Variants in OTUD7A observed in about 807,000 individuals in gnomAD.
The protein encoded by OTUD7A is OTU domain-containing protein 7A.
A neutral mutation model predicts 65.7 loss-of-function variants in OTUD7A; 12 were observed. The observed-to-expected ratio is 0.18, with a 90% CI of 0.12 to 0.30. The LOEUF (loss-of-function observed/expected upper bound fraction) is 0.30, where lower values mean the gene tolerates loss of function less well. Ranked by LOEUF, OTUD7A falls within the 10% of genes least tolerant of loss-of-function variation. The pLI is 1.00. For synonymous variants in OTUD7A, 641 were observed against 586.3 expected (o/e 1.09, Z -1.35); for missense variants, 1,148 against 1,304.8 (o/e 0.88, Z 1.85).
At chr15:31,560,072 A>C (rs1888640494) in intron 4 of OTUD7A, among the ~76,000 whole-genome samples, 1 of 152,238 alleles carries the variant, frequency 6.6e-6, no homozygotes, top group Admixed American at 6.5e-5. Context: ...CTGAAGTTAC[A>C]TCTACCTCAA....
Position 31,481,176 on chromosome 15 carries a change from T to C in OTUD7A, c.*2118A>G, listed in dbSNP as rs1190909101. On this transcript the variant is annotated 3_prime_UTR_variant, in exon 13 of 13. Transcript: ENST00000307050. ...GGTTGGCTGTTTTTACATTAAGAAATGAAAAAAACAAGCAAGAATTGACTT... is the reference window on the plus strand; with the variant it reads ...GGTTGGCTGTTTTTACATTAAGAAACGAAAAAAACAAGCAAGAATTGACTT... 1 of 151,736 alleles carries C rather than the reference T, an allele frequency of 6.6e-6. No homozygotes were observed. The highest frequency in any genetic ancestry group is 1.5e-5 in the Non-Finnish European group (1 of 67,982). The allele number at this position is 151,736 out of a possible 1,614,324, so 9.4% of individuals were successfully genotyped here. A position where few individuals can be genotyped will look rare whatever the true frequency, so the allele number is the denominator to read the frequency against.
chr15:31,710,096 A>G (rs865979974), intron 1 of OTUD7A, among the ~76,000 whole-genome samples: 2 of 152,108 alleles, frequency 1.3e-5, no homozygotes, highest in Admixed American at 6.6e-5. Flanking sequence ...ACGAGTGTGC[A>G]CTGATTTTGT....
At chr15:31,632,090 G>A (rs1190669453) in intron 3 of OTUD7A, among the ~76,000 whole-genome samples, 3 of 152,090 alleles carry the variant, frequency 2.0e-5, no homozygotes, top group Non-Finnish European at 2.9e-5. Flanking sequence ...CTCTCAGCTC[G>A]TCAAAGTCAT....
intron 1 of OTUD7A, among the ~76,000 whole-genome samples, chr15:31,735,987 A>G (rs1353616699): frequency 3.9e-5 from 6 of 152,192 alleles, no homozygotes; most frequent in Non-Finnish European, 8.8e-5. Flanking sequence ...ACATGTTCTC[A>G]CTTATAAGTG....
intron 1 of OTUD7A, among the ~76,000 whole-genome samples, chr15:31,853,234 G>A (rs144686701): frequency 2.6e-5 from 4 of 152,298 alleles, no homozygotes; most frequent in Non-Finnish European, 4.4e-5. Flanking sequence ...AGCACAAGAA[G>A]TCCCCAAAGA....
At chr15:31,631,719 G>C (rs1243709396) in intron 3 of OTUD7A, among the ~76,000 whole-genome samples, 1 of 152,110 alleles carries the variant, frequency 6.6e-6, no homozygotes, top group Non-Finnish European at 1.5e-5. Flanking sequence ...ATCACTTTCA[G>C]GTACACCAAT....
At chr15:31,784,068 T>C (rs1895609001) in intron 1 of OTUD7A, among the ~76,000 whole-genome samples, 1 of 152,224 alleles carries the variant, frequency 6.6e-6, no homozygotes, top group Admixed American at 6.5e-5. Flanking sequence ...AAGAGCCACC[T>C]AACTCAATGG....
chr15:31,695,358 C>T lies in OTUD7A; in HGVS notation c.-99-38281G>A, dbSNP rs574323609. 9.7e-3 allele frequency among the ~76,000 whole-genome samples: 1,366 copies of T among 140,304 alleles called. 6 individuals carry two copies. The highest frequency in any genetic ancestry group is 0.017 in the Non-Finnish European group (1,086 of 63,668). 92.0% of individuals were successfully genotyped at this position (140,304 alleles called of 152,430 possible). A position where few individuals can be genotyped will look rare whatever the true frequency, so the allele number is the denominator to read the frequency against. On this transcript the variant is annotated intron_variant, in intron 1 of 12. Coordinates refer to ENST00000307050, the MANE Select transcript of OTUD7A (RefSeq NM_001382637.1). ...TACTGAGGAACCGCCACACTTTTTC[C>T]GTAATGGCTGCACTAATTTACATAC...
chr15:31,613,475 A>G (rs1347396169), intron 3 of OTUD7A, among the ~76,000 whole-genome samples: 2 of 152,118 alleles, frequency 1.3e-5, no homozygotes, highest in African/African-American at 4.8e-5. Context: ...ATCCCGTCAA[A>G]AAGTGGGCTA....
intron 4 of OTUD7A, among the ~76,000 whole-genome samples, chr15:31,565,494 G>T (rs1244604130): frequency 1.3e-5 from 2 of 151,884 alleles, no homozygotes; most frequent in Non-Finnish European, 2.9e-5. Flanking sequence ...TTGGATAGAA[G>T]AACAATATTA....
intron 8 of OTUD7A, among the ~76,000 whole-genome samples, chr15:31,507,616 G>A (rs565847073): frequency 1.6e-5 from 2 of 127,936 alleles, no homozygotes; most frequent in Non-Finnish European, 3.2e-5. Context: ...ACCCGAGCAG[G>A]TTGCTGCCGC....
intron 1 of OTUD7A, among the ~76,000 whole-genome samples, chr15:31,811,346 CGTGT>C (rs367699338): frequency 6.6e-6 from 1 of 150,416 alleles, no homozygotes; most frequent in African/African-American, 2.4e-5. Context: ...TGTGTAAGTG[CGTGT>C]GTGTGTGGTG....
At chr15:31,734,620 TC>T (rs1894136194) in intron 1 of OTUD7A, among the ~76,000 whole-genome samples, 1 of 152,144 alleles carries the variant, frequency 6.6e-6, no homozygotes. Flanking sequence ...AACCATTTAA[TC>T]TTTGACAAAC....
intron 3 of OTUD7A, among the ~76,000 whole-genome samples, chr15:31,619,926 T>C (rs1269964953): frequency 6.6e-6 from 1 of 152,208 alleles, no homozygotes; most frequent in East Asian, 1.9e-4. Flanking sequence ...CTCTTATTAT[T>C]TCGAGATATG....
intron 1 of OTUD7A, chr15:31,689,412 C>A: frequency 6.7e-6 from 1 of 149,864 alleles, no homozygotes; most frequent in Non-Finnish European, 1.5e-5. Flanking sequence ...CAGGCCAACA[C>A]TGCGCCGTCC....
intron 1 of OTUD7A, among the ~76,000 whole-genome samples, chr15:31,801,632 T>C (rs1399120246): frequency 6.6e-6 from 1 of 152,238 alleles, no homozygotes; most frequent in African/African-American, 2.4e-5. Context: ...TTGTGGGTGC[T>C]AAAGTAGCTT....
rs375157655 is a variant in OTUD7A, at chr15:31,686,380, C to G, written c.-99-29303G>C. 6.6e-5 allele frequency among the ~76,000 whole-genome samples: 10 copies of G among 152,364 alleles called. No homozygotes were observed. In the East Asian group the frequency reaches 1.9e-3, roughly 29 times the overall value. On this transcript the variant is annotated intron_variant, in intron 1 of 12. Coordinates refer to ENST00000307050, the MANE Select transcript of OTUD7A (RefSeq NM_001382637.1). Reference sequence around the variant, plus strand: ...GGTTTCCAAGTGGACAGACATTCTGCAGGATGTGCTTTGGGAAACTGAAAA... The same window carrying G: ...GGTTTCCAAGTGGACAGACATTCTGGAGGATGTGCTTTGGGAAACTGAAAA...
chr15:31,476,219 G>A lies in OTUD7A; in HGVS notation c.*7075C>T, dbSNP rs1398745365. 2 of 152,246 alleles carry A rather than the reference G, an allele frequency of 1.3e-5. No homozygotes were observed. The highest frequency in any genetic ancestry group is 3.9e-4 in the East Asian group (2 of 5,192). 9.4% of individuals were successfully genotyped at this position (152,246 alleles called of 1,614,324 possible). A position where few individuals can be genotyped will look rare whatever the true frequency, so the allele number is the denominator to read the frequency against. On this transcript the variant is annotated 3_prime_UTR_variant, in exon 13 of 13. Transcript: ENST00000307050. ...GACAAGCTCCTACTGAACGGTGACT[G>A]GCTCTGTCAGAGGTGGGGCTTGCCT...
chr15:31,636,147 T>C (rs1891334192), intron 3 of OTUD7A, among the ~76,000 whole-genome samples: 1 of 152,244 alleles, frequency 6.6e-6, no homozygotes, highest in African/African-American at 2.4e-5. Flanking sequence ...CCTTTGAAGA[T>C]ACTGCATTTT....
Sources: gnomAD v4.1 joint callset for allele counts (sites outside exome capture counted in the v4.1 genomes callset) on GRCh38, gnomAD v4.1.1 for gene constraint, MANE v1.5 for transcripts, NCBI Gene and HGNC (gene_info 2026-07-23, HGNC 2026-07-21) for gene names.